Variants in PSMC5 observed in about 807,000 individuals in gnomAD.
The protein encoded by PSMC5 is 26S proteasome regulatory subunit 8.
A neutral mutation model predicts 49.1 loss-of-function variants in PSMC5; 11 were observed. The ratio of observed to expected loss-of-function variants is 0.22; its 90% CI spans 0.14 to 0.37. PSMC5 has a LOEUF of 0.37. Among genes scored for constraint, PSMC5 ranks in the 10% least tolerant of loss-of-function variants. The probability of loss-of-function intolerance (pLI) is 1.00; values close to 1 mark genes in which losing one functional copy is unlikely to be tolerated. For synonymous variants in PSMC5, 206 were observed against 192.2 expected (o/e 1.07, Z -0.59); for missense variants, 229 against 520.9 (o/e 0.44, Z 5.45).
Position 63,832,003 on chromosome 17 carries a change from GCT to G in PSMC5, c.*37_*38del, listed in dbSNP as rs765641196. 1.9e-6 allele frequency: 3 copies of G among 1,594,696 alleles called. No individual in the cohort carries two copies. The highest frequency in any genetic ancestry group is 2.6e-6 in the Non-Finnish European group (3 of 1,162,382). On this transcript the variant is annotated 3_prime_UTR_variant, in exon 12 of 12. Coordinates refer to ENST00000310144, the MANE Select transcript of PSMC5 (RefSeq NM_002805.6). ...CCTTTGTGTGTATCTCTCCAATAAA[GCT>G]CTGTGGGCCAAGTCCTCTAGGACTC... is the stretch of plus-strand genomic sequence containing the variant.
chr17:63,828,382 TCTC>T (rs1423739959), intron 2 of PSMC5, 173 bp downstream of exon 2: 5 of 612,660 alleles, frequency 8.2e-6, no homozygotes, highest in South Asian at 2.0e-5. Flanking sequence ...AATCTCTTGT[TCTC>T]CTCCAGTCCC....
chr17:63,828,240 G>A, intron 2 of PSMC5, 31 bp downstream of exon 2: 1 of 1,601,192 alleles, frequency 6.2e-7, no homozygotes, highest in Non-Finnish European at 8.6e-7. Context: ...GAGCTAGGAA[G>A]GGTGATGATG....
At position 63,830,575 on chromosome 17, in the gene PSMC5, G is replaced by A; in HGVS notation, c.552+74G>A. Reference sequence around the variant, plus strand: ...TGCCCCAGCCAGCCCTACTGCAGGGGTTGGGGAGGCACCGGGATAGGCTGC... The same window carrying A: ...TGCCCCAGCCAGCCCTACTGCAGGGATTGGGGAGGCACCGGGATAGGCTGC... On this transcript the variant is annotated intron_variant, in intron 6 of 11. Coordinates refer to ENST00000310144, the MANE Select transcript of PSMC5 (RefSeq NM_002805.6). This position sits in a 1 kb window ranked among gnomAD's most constrained non-coding sequence, Gnocchi z 4.0. 2 of 1,566,736 alleles carry A rather than the reference G, an allele frequency of 1.3e-6. No homozygotes were observed. The highest frequency in any genetic ancestry group is 8.6e-7 in the Non-Finnish European group (1 of 1,158,512).
intron 2 of PSMC5, chr17:63,828,904 G>C (rs954129007): frequency 6.5e-6 from 1 of 154,400 alleles, no homozygotes; most frequent in African/African-American, 2.4e-5. Context: ...TTGTTCAAGT[G>C]TCAACTGTAA....
chr17:63,830,590 G>A lies in PSMC5; in HGVS notation c.552+89G>A. The A allele has an allele frequency of 6.5e-7, 1 of 1,538,516 alleles. No individual in the cohort carries two copies. The highest frequency in any genetic ancestry group is 8.7e-7 in the Non-Finnish European group (1 of 1,144,470). On this transcript the variant is annotated intron_variant, in intron 6 of 11. Transcript: ENST00000310144. This position sits in a 1 kb window ranked among gnomAD's most constrained non-coding sequence, Gnocchi z 4.0. ...TACTGCAGGGGTTGGGGAGGCACCGGGATAGGCTGCATCTTGCTTGGGCTG... is the reference window on the plus strand; with the variant it reads ...TACTGCAGGGGTTGGGGAGGCACCGAGATAGGCTGCATCTTGCTTGGGCTG...
At chr17:63,827,836 A>G (rs2040129374) in intron 1 of PSMC5, 2 of 1,429,688 alleles carry the variant, frequency 1.4e-6, no homozygotes, top group Non-Finnish European at 1.8e-6. Flanking sequence ...CAGTACTGAC[A>G]CCTCGGGCTT....
At chr17:63,829,811 A>G (rs141055631) in intron 3 of PSMC5, 41 bp from the exon 4 acceptor site, 8 of 1,594,228 alleles carry the variant, frequency 5.0e-6, no homozygotes, top group African/African-American at 1.3e-5. Context: ...GGAGACTCCA[A>G]AGGAGTAGCT....
At position 63,830,777 on chromosome 17, in the gene PSMC5, T is replaced by C. The variant is rs1891103429; in HGVS notation, c.553-32T>C. The C allele has an allele frequency of 1.2e-6, 2 of 1,612,658 alleles. No homozygotes were observed. Among genetic ancestry groups the C allele is most frequent in the Non-Finnish European group, 1.7e-6 (2 of 1,179,330 alleles). ...CACTGAATGAAATGAGGGGTGTAGC[T>C]TTCTGCCCTGAGTCCTGCTGTTCCC... On this transcript the variant is annotated intron_variant, in intron 6 of 11. Transcript: ENST00000310144. This position sits in a 1 kb window ranked among gnomAD's most constrained non-coding sequence, Gnocchi z 4.0.
In PSMC5 at chr17:63,828,156, A is replaced by C. The variant is rs138422324; in HGVS notation, c.43A>C (p.Lys15Gln). ...GPEQMELEEGKAGSGLRQYYL... is the reference protein window; with the variant it reads ...GPEQMELEEGQAGSGLRQYYL... ...TCTTCAGATGGAGCTGGAGGAGGGGAAGGCAGGCAGCGGACTCCGCCAATA... is the reference window on the plus strand; with the variant it reads ...TCTTCAGATGGAGCTGGAGGAGGGGCAGGCAGGCAGCGGACTCCGCCAATA... The change falls in exon 2 of 12, where the codon AAG (lysine) becomes CAG (glutamine). Residue 15 changes from lysine (K) to glutamine (Q), a missense_variant. Physicochemically the swap from Lys to Gln is moderately conservative, Grantham distance 53 (BLOSUM62 1). This residue lies in a region of PSMC5 where 98 missense variants were observed against 144.0 expected (regional missense o/e 0.68). Coordinates refer to ENST00000310144, the MANE Select transcript of PSMC5 (RefSeq NM_002805.6). The C allele has an allele frequency of 8.2e-5, 132 of 1,613,042 alleles. No homozygotes were observed. Among genetic ancestry groups the C allele is most frequent in the Non-Finnish European group, 1.0e-4 (123 of 1,179,644 alleles).
rs770779093 is a variant in PSMC5 at position 63,831,163 on chromosome 17, G to A, written c.807G>A (p.Val269=). Residue 269 remains valine (V), a synonymous_variant, in exon 8 of 12, where the codon GTG becomes GTA. Transcript: ENST00000310144. This position sits in a 1 kb window ranked among gnomAD's most constrained non-coding sequence, Gnocchi z 6.3. ...LEGGSGGDSE[V]QRTMLELLNQ... is the part of the protein sequence containing the mutation. ...GGGGTTCTGGAGGGGACAGTGAAGT[G>A]CAGCGCACGATGCTGGAGTTGCTCA... 8 of 1,562,932 alleles carry A rather than the reference G, an allele frequency of 5.1e-6. No individual in the cohort carries two copies. The African/African-American group carries it at 5.5e-5, about 11-fold the overall frequency.
chr17:63,830,114 T>C lies in PSMC5; in HGVS notation c.265-19T>C, dbSNP rs1383231232. 1.2e-6 allele frequency: 2 copies of C among 1,611,464 alleles called. No homozygotes were observed. The highest frequency in any genetic ancestry group is 2.2e-5 in the East Asian group (1 of 44,876). Reference sequence around the variant, plus strand: ...ATTTGGTGGCTGTCAAGGAAGGTCATGAGCCCTTGTTTCTTTAGGTACATC... The same window carrying C: ...ATTTGGTGGCTGTCAAGGAAGGTCACGAGCCCTTGTTTCTTTAGGTACATC... On this transcript the variant is annotated intron_variant, in intron 4 of 11. Coordinates refer to ENST00000310144, the MANE Select transcript of PSMC5 (RefSeq NM_002805.6). This position sits in a 1 kb window ranked among gnomAD's most constrained non-coding sequence, Gnocchi z 4.0.
Position 63,830,946 on chromosome 17 carries a change from C to T in PSMC5, c.679+11C>T. 1 of 1,613,906 alleles carries T rather than the reference C, an allele frequency of 6.2e-7. No individual in the cohort carries two copies. Among genetic ancestry groups the T allele is most frequent in the Non-Finnish European group, 8.5e-7 (1 of 1,179,940 alleles). ...AATTCATAGGGGAAGGTAACCATGG[C>T]TAGCAATGTGAGAAGCAAGAGGTAG... On this transcript the variant is annotated intron_variant, in intron 7 of 11. Transcript: ENST00000310144. This position sits in a 1 kb window ranked among gnomAD's most constrained non-coding sequence, Gnocchi z 4.0.
At position 63,830,775 on chromosome 17, in the gene PSMC5, G is replaced by A. The variant is rs772780053; in HGVS notation, c.553-34G>A. On this transcript the variant is annotated intron_variant, in intron 6 of 11. Coordinates refer to ENST00000310144, the MANE Select transcript of PSMC5 (RefSeq NM_002805.6). The surrounding 1 kb of genome is among the most constrained non-coding windows in gnomAD (Gnocchi z 4.0). ...TTCACTGAATGAAATGAGGGGTGTA[G>A]CTTTCTGCCCTGAGTCCTGCTGTTC... 4 of 1,612,362 alleles carry A rather than the reference G, an allele frequency of 2.5e-6. No individual in the cohort carries two copies. The highest frequency in any genetic ancestry group is 3.4e-6 in the Non-Finnish European group (4 of 1,179,066).
At chr17:63,828,254 GA>G in intron 2 of PSMC5, 45 bp downstream of exon 2, 1 of 1,574,046 alleles carries the variant, frequency 6.4e-7, no homozygotes, top group Non-Finnish European at 8.7e-7. Flanking sequence ...GATGATGGGG[GA>G]TGGAAACGGA....
chr17:63,831,897 TTC>T lies in PSMC5; in HGVS notation c.1168-12_1168-11del. Reference sequence around the variant, plus strand: ...GTGTGTGTTCGTAACTTAATGTTCATTCTCTCTCCCACCCCTAGGTCATGCAG... The same window carrying T: ...GTGTGTGTTCGTAACTTAATGTTCATTCTCTCCCACCCCTAGGTCATGCAG... On this transcript the variant is annotated splice_polypyrimidine_tract_variant and intron_variant, in intron 11 of 11. Transcript: ENST00000310144. This position sits in a 1 kb window ranked among gnomAD's most constrained non-coding sequence, Gnocchi z 6.3. 11 of 1,613,712 alleles carry T rather than the reference TTC, an allele frequency of 6.8e-6. No individual in the cohort carries two copies. Among genetic ancestry groups the T allele is most frequent in the Non-Finnish European group, 9.3e-6 (11 of 1,179,634 alleles).
At position 63,828,193 on chromosome 17, in the gene PSMC5, A is replaced by G; in HGVS notation, c.80A>G (p.Lys27Arg). ...GSGLRQYYLS[K>R]IEELQLIVND... The stretch of plus-strand genomic sequence containing the variant: ...GGACTCCGCCAATATTATCTGTCCA[A>G]GATTGAAGAACTCCAGGTGAGGACG... The change falls in exon 2 of 12, where the codon AAG becomes AGG. Residue 27 changes from lysine to arginine, a missense_variant. Transcript: ENST00000310144. 2 of 1,614,116 alleles carry G rather than the reference A, an allele frequency of 1.2e-6. No homozygotes were observed. Among genetic ancestry groups the G allele is most frequent in the South Asian group, 2.2e-5 (2 of 91,082 alleles).
At chr17:63,827,819 C>G in intron 1 of PSMC5, 1 of 1,428,514 alleles carries the variant, frequency 7.0e-7, no homozygotes, top group Non-Finnish European at 9.1e-7. Context: ...TCCGCTGGCT[C>G]CTTCGTCAGT....
intron 2 of PSMC5, 98 bp downstream of exon 2, chr17:63,828,307 G>A (rs139163995): frequency 1.5e-4 from 180 of 1,194,040 alleles, no homozygotes; most frequent in African/African-American, 1.2e-3. Flanking sequence ...TGCAGTGGAA[G>A]AAGCTGCTGC....
rs1651499530 is a variant in PSMC5 at position 63,832,014 on chromosome 17, C to G, written c.*45C>G. 1 of 1,567,204 alleles carries G rather than the reference C, an allele frequency of 6.4e-7. No individual in the cohort carries two copies. On this transcript the variant is annotated 3_prime_UTR_variant, in exon 12 of 12. Coordinates refer to ENST00000310144, the MANE Select transcript of PSMC5 (RefSeq NM_002805.6). ...ATCTCTCCAATAAAGCTCTGTGGGCCAAGTCCTCTAGGACTCCAGTCTGTT... is the reference window on the plus strand; with the variant it reads ...ATCTCTCCAATAAAGCTCTGTGGGCGAAGTCCTCTAGGACTCCAGTCTGTT...
Sources: allele counts gnomAD v4.1 joint callset, GRCh38; gene constraint gnomAD v4.1.1; regional missense constraint gnomAD v4.1.1; non-coding constraint Gnocchi (gnomAD v3.1); transcripts MANE v1.5; gene names NCBI Gene and HGNC (gene_info 2026-07-23, HGNC 2026-07-21).